URI1: variants seen among roughly 807,000 people sequenced by gnomAD.
URI1 encodes the protein URI1 prefoldin like chaperone.
URI1 carries 39 observed loss-of-function variants against 60.2 expected under a neutral mutation model. The observed-to-expected ratio is 0.65, with a 90% CI of 0.50 to 0.85. The LOEUF (loss-of-function observed/expected upper bound fraction) is 0.85, where lower values mean the gene tolerates loss of function less well. URI1 is among the 40% of genes least tolerant of loss of function. The pLI, the probability that URI1 is intolerant of heterozygous loss-of-function variation, is 0.00. For synonymous variants in URI1, 251 were observed against 236.8 expected (o/e 1.06, Z -0.55); for missense variants, 691 against 665.9 (o/e 1.04, Z -0.42).
chr19:29,982,891 G>C (rs995611846), intron 2 of URI1, among the ~76,000 whole-genome samples: 5 of 152,148 alleles, frequency 3.3e-5, no homozygotes, highest in Non-Finnish European at 2.9e-5. Context: ...ATTTAATTCT[G>C]TTGAACCTGT....
intron 4 of URI1, among the ~76,000 whole-genome samples, chr19:29,989,962 A>C (rs1197761857): frequency 1.3e-5 from 2 of 151,286 alleles, no homozygotes; most frequent in Non-Finnish European, 2.9e-5. Flanking sequence ...GCTTTACCTA[A>C]CCTTAGTTGT....
intron 1 of URI1, among the ~76,000 whole-genome samples, chr19:29,966,794 A>G (rs1255240886): frequency 6.6e-6 from 1 of 152,232 alleles, no homozygotes; most frequent in Non-Finnish European, 1.5e-5. Flanking sequence ...GCCACAGTCT[A>G]GCAGGAGAAG....
At chr19:30,010,432 C>T (rs570300577) in intron 8 of URI1, among the ~76,000 whole-genome samples, 16 of 152,210 alleles carry the variant, frequency 1.1e-4, no homozygotes, top group African/African-American at 3.1e-4. Flanking sequence ...AAAAAAAGGT[C>T]GCTTTTTAAT....
intron 2 of URI1, among the ~76,000 whole-genome samples, chr19:29,976,507 T>C (rs2055524602): frequency 6.6e-6 from 1 of 152,200 alleles, no homozygotes; most frequent in Non-Finnish European, 1.5e-5. Flanking sequence ...GGCCACGTTA[T>C]GTTGGTCAAA....
intron 1 of URI1, among the ~76,000 whole-genome samples, chr19:29,944,238 A>AT (rs1424931611): frequency 7.2e-6 from 1 of 138,142 alleles, no homozygotes; most frequent in Non-Finnish European, 1.6e-5. Flanking sequence ...ACATTAATGT[A>AT]TTTTTTTAAA....
chr19:29,962,006 G>A (rs912452865), intron 1 of URI1, among the ~76,000 whole-genome samples: 3 of 152,126 alleles, frequency 2.0e-5, no homozygotes, highest in African/African-American at 7.2e-5. Context: ...TTCTGGGTAT[G>A]CTCAGAGGTG....
chr19:29,965,197 A>C (rs1198444664), intron 1 of URI1, among the ~76,000 whole-genome samples: 2 of 152,140 alleles, frequency 1.3e-5, no homozygotes, highest in Non-Finnish European at 2.9e-5. Context: ...TCAGGCTCTG[A>C]TGTCCAAAGT....
At chr19:29,945,683 G>A (rs989224436) in intron 1 of URI1, among the ~76,000 whole-genome samples, 14 of 152,154 alleles carry the variant, frequency 9.2e-5, no homozygotes, top group Admixed American at 3.9e-4. Flanking sequence ...TCTGACATTG[G>A]GGGATTGGTT....
At chr19:29,946,480 A>G (rs1428263994) in intron 1 of URI1, among the ~76,000 whole-genome samples, 1 of 152,192 alleles carries the variant, frequency 6.6e-6, no homozygotes, top group East Asian at 1.9e-4. Context: ...TCGTTTTTAT[A>G]GGCTTATTTG....
chr19:30,015,408 A>C lies in URI1; in HGVS notation c.*339A>C, dbSNP rs2056073978. The C allele has an allele frequency of 2.8e-5, 40 of 1,444,166 alleles. No individual in the cohort carries two copies. Among genetic ancestry groups the C allele is most frequent in the Non-Finnish European group, 3.6e-5 (40 of 1,106,748 alleles). 89.5% of individuals were successfully genotyped at this position (1,444,166 alleles called of 1,614,324 possible). A position where few individuals can be genotyped will look rare whatever the true frequency, so the allele number is the denominator to read the frequency against. The stretch of plus-strand genomic sequence containing the variant: ...AACTAAATACAGGCAGTTTTGTGCC[A>C]GCTGTGATATTGTGCATACCATATG... On this transcript the variant is annotated 3_prime_UTR_variant, in exon 11 of 11. Transcript: ENST00000392271.
At chr19:29,949,592 C>G (rs2055151910) in intron 1 of URI1, among the ~76,000 whole-genome samples, 1 of 152,168 alleles carries the variant, frequency 6.6e-6, no homozygotes, top group African/African-American at 2.4e-5. Flanking sequence ...CAGCCGAGAT[C>G]ACGCCACTGC....
chr19:29,971,000 G>A (rs772273386), intron 1 of URI1, 193 bp from the exon 2 acceptor site: 14 of 589,368 alleles, frequency 2.4e-5, no homozygotes, highest in Non-Finnish European at 3.6e-5. Context: ...TTATCAGCCT[G>A]CATTAGAGGG....
intron 4 of URI1, among the ~76,000 whole-genome samples, chr19:29,986,764 CACTTAAT>C (rs2055676222): frequency 6.6e-6 from 1 of 152,036 alleles, no homozygotes; most frequent in African/African-American, 2.4e-5. Flanking sequence ...CTTATTTTTG[CACTTAAT>C]ACTTTAGTAC....
chr19:30,008,554 C>T (rs575095116), intron 7 of URI1, among the ~76,000 whole-genome samples: 2 of 152,014 alleles, frequency 1.3e-5, no homozygotes, highest in South Asian at 2.1e-4. Flanking sequence ...TAGATATATT[C>T]GTGTGCATAT....
chr19:29,956,956 G>A (rs888418578), intron 1 of URI1: 8 of 946,978 alleles, frequency 8.4e-6, no homozygotes, highest in Non-Finnish European at 1.4e-5. Context: ...TTTCTGGAAT[G>A]TCAACAGTCT....
intron 2 of URI1, among the ~76,000 whole-genome samples, chr19:29,980,874 A>C (rs1456345235): frequency 6.8e-6 from 1 of 147,142 alleles, no homozygotes; most frequent in Admixed American, 6.9e-5. Flanking sequence ...GTGAGCCGAG[A>C]TCACGCCACG....
chr19:30,012,728 C>A, intron 10 of URI1, 197 bp downstream of exon 10: 12 of 619,208 alleles, frequency 1.9e-5, no homozygotes, highest in Non-Finnish European at 2.9e-5. Context: ...AAACACATTA[C>A]TTGTCTTAAC....
chr19:29,947,801 A>G (rs111307942), intron 1 of URI1, among the ~76,000 whole-genome samples: 2 of 152,124 alleles, frequency 1.3e-5, no homozygotes, highest in African/African-American at 4.8e-5. Context: ...TTTTAATTTT[A>G]ACAATTGTTT....
intron 10 of URI1, among the ~76,000 whole-genome samples, chr19:30,013,776 AAGG>A (rs1357008302): frequency 2.6e-5 from 4 of 152,162 alleles, no homozygotes; most frequent in Admixed American, 1.3e-4. Context: ...TAAATAGAAG[AAGG>A]AGAAGAAGGC....
Sources: gnomAD v4.1 joint callset for allele counts (sites outside exome capture counted in the v4.1 genomes callset) on GRCh38, gnomAD v4.1.1 for gene constraint, MANE v1.5 for transcripts, NCBI Gene and HGNC (gene_info 2026-07-23, HGNC 2026-07-21) for gene names.